DDIT4: variants seen among roughly 807,000 people sequenced by gnomAD.
DDIT4 encodes the protein DNA damage-inducible transcript 4 protein.
In DDIT4, 20 loss-of-function variants were observed where a neutral mutation model predicts 20.2. The observed-to-expected ratio is 0.99, with a 90% CI of 0.70 to 1.44. The LOEUF is 1.44. DDIT4 is among the 40% of genes most tolerant of loss of function. DDIT4 has a pLI of 0.00. For synonymous variants in DDIT4, 152 were observed against 144.6 expected (o/e 1.05, Z -0.37); for missense variants, 316 against 298.1 (o/e 1.06, Z -0.44).
At position 72,275,654 on chromosome 10, in the gene DDIT4, T is replaced by G. The variant is rs1010248187; in HGVS notation, c.*466T>G. 1.2e-5 allele frequency: 2 copies of G among 164,428 alleles called. No individual in the cohort carries two copies. Among genetic ancestry groups the G allele is most frequent in the Non-Finnish European group, 2.7e-5 (2 of 74,838 alleles). The allele number at this position is 164,428 out of a possible 1,614,324, so 10.2% of individuals were successfully genotyped here. ...ACTGGTCTGAAGGGACCAAGTGTGT[T>G]TGTTGTTTGTTTTGTATCTTGTTTT... On this transcript the variant is annotated 3_prime_UTR_variant, in exon 3 of 3. Transcript: ENST00000307365.
Position 72,275,160 on chromosome 10 carries a change from C to A in DDIT4, c.671C>A (p.Ser224Ter). The change falls in exon 3 of 3, where the codon TCG becomes TAG. Residue 224 changes from serine (S) to a stop codon, truncating the protein, a stop_gained. Coordinates refer to ENST00000307365, the MANE Select transcript of DDIT4 (RefSeq NM_019058.4). LOFTEE classifies it high-confidence loss of function. Reference sequence around the variant, plus strand: ...GTCATCAAGAAGAAGCTGTACAGCTCGGAACAGCTGCTCATTGAGGAGTGT... The same window carrying A: ...GTCATCAAGAAGAAGCTGTACAGCTAGGAACAGCTGCTCATTGAGGAGTGT... ...FRVIKKKLYSSEQLLIEEC is the reference protein window; with the variant it reads ...FRVIKKKLYS 6.2e-7 allele frequency: 1 copy of A among 1,611,928 alleles called. No individual in the cohort carries two copies.
chr10:72,274,827 G>T lies in DDIT4; in HGVS notation c.338G>T (p.Arg113Leu). Residue 113 changes from arginine to leucine, a missense_variant, in exon 3 of 3, where the codon CGC becomes CTC. Physicochemically the swap from Arg to Leu is moderately radical, Grantham distance 102. Transcript: ENST00000307365. ...SLAQARLGSR[R>L]PARLLMPSQL... Reference sequence around the variant, plus strand: ...GCCCAGGCGCGGCTGGGCTCTCGACGCCCTGCGCGCCTGCTGATGCCTAGC... The same window carrying T: ...GCCCAGGCGCGGCTGGGCTCTCGACTCCCTGCGCGCCTGCTGATGCCTAGC... The T allele has an allele frequency of 1.2e-6, 2 of 1,613,580 alleles. No homozygotes were observed. The highest frequency in any genetic ancestry group is 2.2e-5 in the South Asian group (2 of 91,078).
intron 2 of DDIT4, 32 bp from the exon 3 acceptor site, chr10:72,274,663 T>TA (rs1323005313): frequency 1.3e-6 from 2 of 1,579,556 alleles, no homozygotes; most frequent in African/African-American, 2.7e-5. Context: ...GAAGCCGCTC[T>TA]AATACCCCTT....
Position 72,274,923 on chromosome 10 carries a change from C to A in DDIT4, c.434C>A (p.Ala145Glu), listed in dbSNP as rs772941301. 2 of 1,612,354 alleles carry A rather than the reference C, an allele frequency of 1.2e-6. No individual in the cohort carries two copies. Among genetic ancestry groups the A allele is most frequent in the African/African-American group, 2.7e-5 (2 of 74,930 alleles). ...AGCGAGCCGTGCGGCCTGCGGGGGG[C>A]GCTGCTGGACGTCTGCGTGGAGCAG... ...AYSEPCGLRG[A>E]LLDVCVEQGK... The change falls in exon 3 of 3, where the codon GCG (alanine) becomes GAG (glutamate). Residue 145 changes from alanine to glutamate, a missense_variant. Coordinates refer to ENST00000307365, the MANE Select transcript of DDIT4 (RefSeq NM_019058.4).
In DDIT4 at chr10:72,274,687, CT is replaced by C; in HGVS notation, c.206-5del. ...CTAATACCCCTTCCTGTGTGCTCTC[CT>C]TTCCAGACACGGCTTACCTGGATGG... is the stretch of plus-strand genomic sequence containing the variant. On this transcript the variant is annotated splice_region_variant and splice_polypyrimidine_tract_variant and intron_variant, in intron 2 of 2. Transcript: ENST00000307365. 1 of 1,603,826 alleles carries C rather than the reference CT, an allele frequency of 6.2e-7. No individual in the cohort carries two copies. Among genetic ancestry groups the C allele is most frequent in the African/African-American group, 1.3e-5 (1 of 74,694 alleles).
At position 72,274,747 on chromosome 10, in the gene DDIT4, C is replaced by T. The variant is rs752394028; in HGVS notation, c.258C>T (p.Asp86=). Residue 86 remains aspartate (D), a synonymous_variant, in exon 3 of 3, where the codon GAC becomes GAT. Coordinates refer to ENST00000307365, the MANE Select transcript of DDIT4 (RefSeq NM_019058.4). ...TGCCCGACTTCGAGCTGCTCAGTGA[C>T]CCTGAGGATGAACACTTGTGTGCCA... ...VSLPDFELLS[D]PEDEHLCANL... The T allele has an allele frequency of 1.2e-6, 2 of 1,614,026 alleles. No individual in the cohort carries two copies. Among genetic ancestry groups the T allele is most frequent in the Non-Finnish European group, 1.7e-6 (2 of 1,179,990 alleles).
In DDIT4 at chr10:72,274,169, TC is replaced by T; in HGVS notation, c.-46del. The T allele has an allele frequency of 6.8e-7, 1 of 1,472,552 alleles. No individual in the cohort carries two copies. The highest frequency in any genetic ancestry group is 2.3e-5 in the East Asian group (1 of 44,198). 91.2% of individuals were successfully genotyped at this position (1,472,552 alleles called of 1,614,324 possible). The stretch of plus-strand genomic sequence containing the variant: ...TCTTGTCTTACAGCGGCTTCTACGC[TC>T]CGGCACTCTGAGTTCATCAGCAAAC... On this transcript the variant is annotated 5_prime_UTR_variant, in exon 2 of 3. Transcript: ENST00000307365.
Position 72,273,956 on chromosome 10 carries a change from C to A in DDIT4, c.-165C>A, listed in dbSNP as rs527263719. On this transcript the variant is annotated 5_prime_UTR_variant, in exon 1 of 3. Coordinates refer to ENST00000307365, the MANE Select transcript of DDIT4 (RefSeq NM_019058.4). ...GCCAAGGGGGAGGTGCGAGCGTGGACCTGGGACGGGTCTGGGCGGCTCTCG... is the reference window on the plus strand; with the variant it reads ...GCCAAGGGGGAGGTGCGAGCGTGGAACTGGGACGGGTCTGGGCGGCTCTCG... The A allele has an allele frequency of 3.7e-6, 2 of 541,550 alleles. No homozygotes were observed. Among genetic ancestry groups the A allele is most frequent in the East Asian group, 6.6e-5 (2 of 30,298 alleles). The allele number at this position is 541,550 out of a possible 1,614,324, so 33.5% of individuals were successfully genotyped here.
chr10:72,273,946 C>T lies in DDIT4; in HGVS notation c.-175C>T, dbSNP rs953574803. 1.1e-5 allele frequency: 6 copies of T among 524,064 alleles called. No individual in the cohort carries two copies. The highest frequency in any genetic ancestry group is 3.4e-5 in the Admixed American group (1 of 29,074). The allele number at this position is 524,064 out of a possible 1,614,324, so 32.5% of individuals were successfully genotyped here. A position where few individuals can be genotyped will look rare whatever the true frequency, so the allele number is the denominator to read the frequency against. On this transcript the variant is annotated 5_prime_UTR_variant, in exon 1 of 3. Coordinates refer to ENST00000307365, the MANE Select transcript of DDIT4 (RefSeq NM_019058.4). ...GGCGCAGCAGGCCAAGGGGGAGGTG[C>T]GAGCGTGGACCTGGGACGGGTCTGG...
At position 72,275,137 on chromosome 10, in the gene DDIT4, C is replaced by T; in HGVS notation, c.648C>T (p.Val216=). 1 of 1,613,080 alleles carries T rather than the reference C, an allele frequency of 6.2e-7. No homozygotes were observed. Among genetic ancestry groups the T allele is most frequent in the East Asian group, 2.2e-5 (1 of 44,888 alleles). ...TGACGCTGAGCACTGGCTTCCGAGT[C>T]ATCAAGAAGAAGCTGTACAGCTCGG... ...QSLTLSTGFR[V]IKKKLYSSEQ... The change falls in exon 3 of 3, where the codon GTC becomes GTT. Residue 216 remains valine, a synonymous_variant. Transcript: ENST00000307365.
rs1175159732 is a variant in DDIT4 at position 72,274,181 on chromosome 10, A to G, written c.-36A>G. The G allele has an allele frequency of 1.9e-6, 3 of 1,544,802 alleles. No individual in the cohort carries two copies. ...GCGGCTTCTACGCTCCGGCACTCTG[A>G]GTTCATCAGCAAACGCCCTGGCGTC... On this transcript the variant is annotated 5_prime_UTR_variant, in exon 2 of 3. Coordinates refer to ENST00000307365, the MANE Select transcript of DDIT4 (RefSeq NM_019058.4).
chr10:72,274,732 C>T lies in DDIT4; in HGVS notation c.243C>T (p.Phe81=). 6.2e-7 allele frequency: 1 copy of T among 1,612,888 alleles called. No homozygotes were observed. The highest frequency in any genetic ancestry group is 1.1e-5 in the South Asian group (1 of 91,016). The change falls in exon 3 of 3, where the codon TTC becomes TTT. Residue 81 remains phenylalanine, a synonymous_variant. Coordinates refer to ENST00000307365, the MANE Select transcript of DDIT4 (RefSeq NM_019058.4). The stretch of plus-strand genomic sequence containing the variant: ...TGGATGGGGTGTCGTTGCCCGACTT[C>T]GAGCTGCTCAGTGACCCTGAGGATG... ...AYLDGVSLPD[F]ELLSDPEDEH... is the part of the protein sequence containing the mutation.
rs1860810044 is a variant in DDIT4, at chr10:72,274,950, G to A, written c.461G>A (p.Gly154Asp). 1.2e-6 allele frequency: 2 copies of A among 1,612,544 alleles called. No homozygotes were observed. Among genetic ancestry groups the A allele is most frequent in the East Asian group, 2.2e-5 (1 of 44,870 alleles). The change falls in exon 3 of 3, where the codon GGC becomes GAC. Residue 154 changes from glycine to aspartate, a missense_variant. Coordinates refer to ENST00000307365, the MANE Select transcript of DDIT4 (RefSeq NM_019058.4). ...GALLDVCVEQ[G>D]KSCHSVGQLA... ...CTGCTGGACGTCTGCGTGGAGCAGG[G>A]CAAGAGCTGCCACAGCGTGGGCCAG...
intron 1 of DDIT4, 30 bp from the exon 2 acceptor site, chr10:72,274,127 C>A (rs1437944431): frequency 2.9e-6 from 3 of 1,035,644 alleles, no homozygotes; most frequent in Non-Finnish European, 3.0e-6. Flanking sequence ...CCCAGACTGA[C>A]GCCTGGTCGG....
In DDIT4 at chr10:72,274,004, C is replaced by CAAAAAA; in HGVS notation, c.-117_-116insAAAAAA. The CAAAAAA allele has an allele frequency of 7.7e-6, 4 of 522,718 alleles. No individual in the cohort carries two copies. The highest frequency in any genetic ancestry group is 1.0e-5 in the Non-Finnish European group (3 of 291,682). 32.4% of individuals were successfully genotyped at this position (522,718 alleles called of 1,614,324 possible). On this transcript the variant is annotated 5_prime_UTR_variant, in exon 1 of 3. Coordinates refer to ENST00000307365, the MANE Select transcript of DDIT4 (RefSeq NM_019058.4). ...TCGGTGGTTGGCACGGGTTCGCACA[C>CAAAAAA]CCATTCAAGCGGCAGGACGCACTTG...
In DDIT4 at chr10:72,275,420, TA is replaced by T; in HGVS notation, c.*233del. The T allele has an allele frequency of 5.6e-6, 3 of 537,152 alleles. No individual in the cohort carries two copies. In the Middle Eastern group the frequency reaches 1.5e-3, roughly 261 times the overall value. 33.3% of individuals were successfully genotyped at this position (537,152 alleles called of 1,614,324 possible). A position where few individuals can be genotyped will look rare whatever the true frequency, so the allele number is the denominator to read the frequency against. On this transcript the variant is annotated 3_prime_UTR_variant, in exon 3 of 3. Transcript: ENST00000307365. ...AGTACTGTAGCATGAAACAAAGGCT[TA>T]GGGGCCAACAAGGCTTCCAGCTGGA...
intron 2 of DDIT4, 71 bp from the exon 3 acceptor site, chr10:72,274,624 G>C: frequency 6.6e-7 from 1 of 1,518,134 alleles, no homozygotes; most frequent in Non-Finnish European, 8.8e-7. Context: ...TAAGGAAACA[G>C]CACCTCCCCC....
rs1860794643 is a variant in DDIT4, at chr10:72,274,018, A to G, written c.-103A>G. ...GGGTTCGCACACCCATTCAAGCGGC[A>G]GGACGCACTTGTCTTAGCAGTTCTC... On this transcript the variant is annotated 5_prime_UTR_variant, in exon 1 of 3. Transcript: ENST00000307365. The G allele has an allele frequency of 5.1e-6, 3 of 584,048 alleles. No homozygotes were observed. The highest frequency in any genetic ancestry group is 3.6e-4 in the Middle Eastern group (1 of 2,780). 36.2% of individuals were successfully genotyped at this position (584,048 alleles called of 1,614,324 possible).
chr10:72,274,663 T>C (rs1860805237), intron 2 of DDIT4, 32 bp from the exon 3 acceptor site: 1 of 1,579,674 alleles, frequency 6.3e-7, no homozygotes, highest in Non-Finnish European at 8.6e-7. Context: ...GAAGCCGCTC[T>C]AATACCCCTT....
Sources: allele counts gnomAD v4.1 joint callset, GRCh38; gene constraint gnomAD v4.1.1; transcripts MANE v1.5; gene names NCBI Gene and HGNC (gene_info 2026-07-23, HGNC 2026-07-21).